SSX2IP: variants seen among roughly 807,000 people sequenced by gnomAD.
SSX2IP encodes the protein afadin- and alpha-actinin-binding protein.
A neutral mutation model predicts 84.9 loss-of-function variants in SSX2IP; 55 were observed. The observed-to-expected ratio is 0.65, with a 90% CI of 0.52 to 0.81. SSX2IP has a LOEUF of 0.81. SSX2IP is among the 30% of genes least tolerant of loss of function. The pLI is 0.00. For synonymous variants in SSX2IP, 239 were observed against 234.7 expected (o/e 1.02, Z -0.17); for missense variants, 664 against 705.2 (o/e 0.94, Z 0.66).
At chr1:84,667,959 T>C (rs1652995050) in intron 4 of SSX2IP, among the ~76,000 whole-genome samples, 1 of 152,168 alleles carries the variant, frequency 6.6e-6, no homozygotes, top group Non-Finnish European at 1.5e-5. Context: ...CACTCATCTT[T>C]GAAACTCAGT....
chr1:84,656,806 T>C (rs540636635), intron 9 of SSX2IP, among the ~76,000 whole-genome samples: 1 of 152,296 alleles, frequency 6.6e-6, no homozygotes, highest in East Asian at 1.9e-4. Context: ...TTGTAATCCA[T>C]ATTTATTCAT....
chr1:84,655,512 C>T (rs1474816409), intron 11 of SSX2IP: 1 of 1,333,022 alleles, frequency 7.5e-7, no homozygotes, highest in Non-Finnish European at 9.8e-7. Flanking sequence ...TCTGACACCA[C>T]ACCTACTGAC....
At chr1:84,680,397 G>C (rs185178045) in intron 1 of SSX2IP, 1 of 152,214 alleles carries the variant, frequency 6.6e-6, no homozygotes, top group East Asian at 1.9e-4. Context: ...TCTGCAAAAG[G>C]AGAGTAAAAG....
At chr1:84,653,049 A>T (rs1650547809) in intron 11 of SSX2IP, among the ~76,000 whole-genome samples, 1 of 152,128 alleles carries the variant, frequency 6.6e-6, no homozygotes, top group Non-Finnish European at 1.5e-5. Flanking sequence ...AACAAAAACA[A>T]AAAAACTAAG....
intron 1 of SSX2IP, among the ~76,000 whole-genome samples, chr1:84,681,645 G>A (rs1010240924): frequency 6.6e-5 from 10 of 152,182 alleles, no homozygotes; most frequent in Admixed American, 3.3e-4. Flanking sequence ...TAGCAGCAGA[G>A]TATTCAAGCA....
intron 8 of SSX2IP, among the ~76,000 whole-genome samples, chr1:84,660,924 G>A (rs917208035): frequency 9.6e-5 from 14 of 146,378 alleles, no homozygotes; most frequent in Non-Finnish European, 1.8e-4. Context: ...AAAATTAGCC[G>A]GGCATGGTGG....
chr1:84,655,991 A>G lies in SSX2IP; in HGVS notation c.1230T>C (p.Thr410=), dbSNP rs747107979. 1 of 1,611,652 alleles carries G rather than the reference A, an allele frequency of 6.2e-7. No individual in the cohort carries two copies. The highest frequency in any genetic ancestry group is 8.5e-7 in the Non-Finnish European group (1 of 1,179,394). The change falls in exon 11 of 14, where the codon ACT becomes ACC. Residue 410 remains threonine (T), a synonymous_variant. Coordinates refer to ENST00000342203, the MANE Select transcript of SSX2IP (RefSeq NM_001166293.2). ...GTGAAGTGGTATCATCATCATATGC[A>G]GTAGCGAGCTGCTGCTATTAAAATT... ...QQQLLQQQLA[T]AYDDDTTSLL... is the part of the protein sequence containing the mutation.
At chr1:84,649,283 T>C (rs1267759806) in intron 13 of SSX2IP, among the ~76,000 whole-genome samples, 1 of 152,210 alleles carries the variant, frequency 6.6e-6, no homozygotes, top group East Asian at 1.9e-4. Context: ...CTCTCCATCC[T>C]CATCTCACAC....
chr1:84,663,448 A>C (rs1267318664), intron 6 of SSX2IP, among the ~76,000 whole-genome samples: 3 of 152,312 alleles, frequency 2.0e-5, no homozygotes, highest in Non-Finnish European at 1.5e-5. Flanking sequence ...GATTCTCCAA[A>C]TGAGTAAGAT....
chr1:84,682,504 C>CTTT (rs375144986), intron 1 of SSX2IP, among the ~76,000 whole-genome samples: 1 of 140,278 alleles, frequency 7.1e-6, no homozygotes. Flanking sequence ...TTTGTCTTCA[C>CTTT]TTTTTTTTTT....
chr1:84,660,895 CA>C (rs11362631), intron 8 of SSX2IP, among the ~76,000 whole-genome samples: 32,504 of 97,902 alleles, frequency 0.33, 4,555 homozygotes, highest in African/African-American at 0.41. Flanking sequence ...TACTAAAATA[CA>C]AAAAAAAAAA....
intron 5 of SSX2IP, among the ~76,000 whole-genome samples, chr1:84,664,957 G>A (rs900525467): frequency 6.6e-6 from 1 of 152,112 alleles, no homozygotes; most frequent in African/African-American, 2.4e-5. Context: ...AATTAAGCCT[G>A]TGACACATGG....
chr1:84,660,960 A>T (rs1651880970), intron 8 of SSX2IP, among the ~76,000 whole-genome samples: 1 of 149,346 alleles, frequency 6.7e-6, no homozygotes. Flanking sequence ...CCAGCTACTC[A>T]GGAGGTTGAG....
intron 13 of SSX2IP, among the ~76,000 whole-genome samples, chr1:84,648,761 A>C (rs568215286): frequency 6.6e-6 from 1 of 152,358 alleles, no homozygotes; most frequent in South Asian, 2.1e-4. Context: ...TCTATGTAAG[A>C]AAATACTATA....
At chr1:84,666,547 CTTTT>C (rs1652798729) in intron 4 of SSX2IP, among the ~76,000 whole-genome samples, 1 of 152,128 alleles carries the variant, frequency 6.6e-6, no homozygotes, top group Non-Finnish European at 1.5e-5. Flanking sequence ...ATTTTTAATA[CTTTT>C]TAACACTTCT....
chr1:84,687,843 A>C (rs1280679892), intron 1 of SSX2IP, among the ~76,000 whole-genome samples: 1 of 152,116 alleles, frequency 6.6e-6, no homozygotes, highest in Admixed American at 6.5e-5. Flanking sequence ...CCCTGGTCCA[A>C]CTCTACCAAG....
intron 12 of SSX2IP, among the ~76,000 whole-genome samples, chr1:84,651,153 A>G (rs1235777425): frequency 2.0e-5 from 3 of 152,154 alleles, no homozygotes; most frequent in Non-Finnish European, 4.4e-5. Context: ...TGTCTCTACA[A>G]AAAAGTTTTT....
At chr1:84,685,793 T>C (rs1430871728) in intron 1 of SSX2IP, among the ~76,000 whole-genome samples, 2 of 152,236 alleles carry the variant, frequency 1.3e-5, no homozygotes, top group African/African-American at 4.8e-5. Flanking sequence ...CTTGCTTTTA[T>C]AGTCTAGATC....
rs578193426 is a variant in SSX2IP at position 84,671,294 on chromosome 1, C to A, written c.-75G>T. ...ATTTAGTCTAGCTGCTGTCACTCTTCTATGTAGGCATCTCCTTAAAAAGCA... is the reference window on the plus strand; with the variant it reads ...ATTTAGTCTAGCTGCTGTCACTCTTATATGTAGGCATCTCCTTAAAAAGCA... On this transcript the variant is annotated 5_prime_UTR_variant, in exon 2 of 14. It removes the in-frame stop codon of an upstream open reading frame in the 5' UTR. Coordinates refer to ENST00000342203, the MANE Select transcript of SSX2IP (RefSeq NM_001166293.2). 8.3e-5 allele frequency: 132 copies of A among 1,581,600 alleles called. No homozygotes were observed. Among genetic ancestry groups the A allele is most frequent in the Non-Finnish European group, 1.1e-4 (127 of 1,166,528 alleles).
Sources: allele counts gnomAD v4.1 joint callset (sites outside exome capture counted in the v4.1 genomes callset), GRCh38; gene constraint gnomAD v4.1.1; transcripts MANE v1.5; gene names NCBI Gene and HGNC (gene_info 2026-07-23, HGNC 2026-07-21).